IGF2BP2: variants seen among roughly 807,000 people sequenced by gnomAD.
IGF2BP2 encodes insulin like growth factor 2 mRNA binding protein 2.
IGF2BP2 carries 17 observed loss-of-function variants against 75.8 expected under a neutral mutation model. The ratio of observed to expected loss-of-function variants is 0.22; its 90% CI spans 0.15 to 0.34. The LOEUF (loss-of-function observed/expected upper bound fraction) is 0.34, where lower values mean the gene tolerates loss of function less well. Ranked by LOEUF, IGF2BP2 falls within the 10% of genes least tolerant of loss-of-function variation. The pLI is 1.00. For synonymous variants in IGF2BP2, 288 were observed against 295.6 expected (o/e 0.97, Z 0.26); for missense variants, 516 against 772.4 (o/e 0.67, Z 3.93).
chr3:185,788,768 G>T (rs973420947), intron 2 of IGF2BP2, among the ~76,000 whole-genome samples: 1 of 143,190 alleles, frequency 7.0e-6, no homozygotes, highest in African/African-American at 2.6e-5. Flanking sequence ...AGGCTGGAGC[G>T]CAGTGGCGCG....
At chr3:185,750,618 C>T (rs553417779) in intron 2 of IGF2BP2, among the ~76,000 whole-genome samples, 2 of 152,308 alleles carry the variant, frequency 1.3e-5, no homozygotes, top group East Asian at 3.9e-4. Context: ...AAACTCCTAC[C>T]TATCCAAGAT....
intron 2 of IGF2BP2, among the ~76,000 whole-genome samples, chr3:185,719,224 G>A (rs1308294457): frequency 6.6e-6 from 1 of 152,212 alleles, no homozygotes; most frequent in African/African-American, 2.4e-5. Flanking sequence ...GATTTGCACA[G>A]GGCAGTCATT....
chr3:185,689,214 T>C, intron 6 of IGF2BP2, 141 bp downstream of exon 6: 1 of 805,762 alleles, frequency 1.2e-6, no homozygotes. Context: ...CTGTTAGTAG[T>C]CCTGTTGAAA....
chr3:185,697,315 A>G (rs1578006607), intron 3 of IGF2BP2, among the ~76,000 whole-genome samples: 1 of 152,064 alleles, frequency 6.6e-6, no homozygotes, highest in Admixed American at 6.6e-5. Flanking sequence ...CATGTTGGTC[A>G]TGCTGGTCTC....
intron 2 of IGF2BP2, among the ~76,000 whole-genome samples, chr3:185,802,096 G>C (rs1738366445): frequency 6.6e-6 from 1 of 152,010 alleles, no homozygotes; most frequent in Non-Finnish European, 1.5e-5. Flanking sequence ...CGGGTTGATA[G>C]GTGCAGCAAA....
At chr3:185,696,359 C>T in intron 4 of IGF2BP2, 1 of 474,204 alleles carries the variant, frequency 2.1e-6, no homozygotes, top group Non-Finnish European at 3.7e-6. Flanking sequence ...CTTGAGCACA[C>T]TGCACAGTAT....
intron 4 of IGF2BP2, among the ~76,000 whole-genome samples, chr3:185,693,928 C>G (rs1372426855): frequency 3.3e-5 from 5 of 152,170 alleles, no homozygotes; most frequent in Non-Finnish European, 7.3e-5. Flanking sequence ...CAAAATGATT[C>G]AAACTTGTAG....
chr3:185,716,401 A>G (rs887426801), intron 2 of IGF2BP2: 2 of 484,066 alleles, frequency 4.1e-6, no homozygotes, highest in Non-Finnish European at 4.1e-6. Context: ...TTAAAACAGA[A>G]TATCCCTCTT....
intron 2 of IGF2BP2, among the ~76,000 whole-genome samples, chr3:185,796,223 C>G (rs925155484): frequency 6.6e-6 from 1 of 152,082 alleles, no homozygotes; most frequent in African/African-American, 2.4e-5. Context: ...CATATTAGAA[C>G]TTAACCATTT....
At chr3:185,734,753 A>T (rs938656983) in intron 2 of IGF2BP2, among the ~76,000 whole-genome samples, 2 of 152,250 alleles carry the variant, frequency 1.3e-5, no homozygotes, top group Admixed American at 6.5e-5. Flanking sequence ...TATGAGACTC[A>T]GGCTAAAACC....
rs1222009231 is a variant in IGF2BP2, at chr3:185,671,927, T to C, written c.1200+614A>G. 2.6e-5 allele frequency among the ~76,000 whole-genome samples: 4 copies of C among 152,252 alleles called. No individual in the cohort carries two copies. The East Asian group carries it at 7.7e-4, about 29-fold the overall frequency. On this transcript the variant is annotated intron_variant, in intron 10 of 15. Transcript: ENST00000382199. ...CTGAGCCCCCAATTTGGTAATGTAC[T>C]GATCTTGAATAATGCTTGTGAATGA...
At chr3:185,758,736 GCTAGGTAATGTGGAAA>G (rs1315560690) in intron 2 of IGF2BP2, among the ~76,000 whole-genome samples, 1 of 152,138 alleles carries the variant, frequency 6.6e-6, no homozygotes, top group African/African-American at 2.4e-5. Context: ...ATCACTAAAG[GCTAGGTAATGTGGAAA>G]CTCAGATGTT....
At chr3:185,821,307 G>C (rs1741346283) in intron 2 of IGF2BP2, among the ~76,000 whole-genome samples, 1 of 152,112 alleles carries the variant, frequency 6.6e-6, no homozygotes, top group Non-Finnish European at 1.5e-5. Context: ...TCTACCTCCT[G>C]GGTATTTCAC....
At chr3:185,669,858 G>A (rs1004941516) in intron 10 of IGF2BP2, among the ~76,000 whole-genome samples, 3 of 152,112 alleles carry the variant, frequency 2.0e-5, no homozygotes, top group African/African-American at 7.2e-5. Context: ...GGGCCCACCA[G>A]GGAAGCCCAC....
chr3:185,796,640 A>G (rs1236026172), intron 2 of IGF2BP2, among the ~76,000 whole-genome samples: 1 of 147,660 alleles, frequency 6.8e-6, no homozygotes, highest in Non-Finnish European at 1.5e-5. Flanking sequence ...AAAAAGAGAG[A>G]GAGACTAAGG....
intron 2 of IGF2BP2, among the ~76,000 whole-genome samples, chr3:185,709,134 C>G (rs908701109): frequency 2.6e-5 from 4 of 152,116 alleles, no homozygotes; most frequent in Non-Finnish European, 4.4e-5. Flanking sequence ...TGATACAACA[C>G]AAGTTATAAT....
At chr3:185,777,977 G>C (rs1734726884) in intron 2 of IGF2BP2, among the ~76,000 whole-genome samples, 1 of 151,924 alleles carries the variant, frequency 6.6e-6, no homozygotes, top group Admixed American at 6.6e-5. Flanking sequence ...CCAGGAGGTG[G>C]AGGTTGCAGT....
intron 7 of IGF2BP2, among the ~76,000 whole-genome samples, chr3:185,676,505 T>C (rs1009841492): frequency 2.0e-4 from 31 of 152,024 alleles, no homozygotes; most frequent in African/African-American, 7.3e-4. Context: ...ACTGAAACAC[T>C]GTCCTTACTA....
At chr3:185,676,404 G>A (rs559374655) in intron 7 of IGF2BP2, among the ~76,000 whole-genome samples, 3 of 152,274 alleles carry the variant, frequency 2.0e-5, no homozygotes, top group South Asian at 4.1e-4. Context: ...CAGGCCGGGC[G>A]CCGTGGTTCA....
Sources: gnomAD v4.1 joint callset for allele counts (sites outside exome capture counted in the v4.1 genomes callset) on GRCh38, gnomAD v4.1.1 for gene constraint, MANE v1.5 for transcripts, NCBI Gene and HGNC (gene_info 2026-07-23, HGNC 2026-07-21) for gene names.